CNOT1: variants seen among roughly 807,000 people sequenced by gnomAD.
The protein encoded by CNOT1 is CCR4-associated factor 1.
CNOT1 carries 15 observed loss-of-function variants against 273.8 expected under a neutral mutation model. That is an observed-to-expected ratio of 0.05 (90% CI 0.04 to 0.08). CNOT1 has a LOEUF of 0.08. CNOT1 is among the 10% of genes least tolerant of loss of function. CNOT1 has a pLI of 1.00. For missense variants in CNOT1, 1,644 were observed against 2,912.2 expected (o/e 0.56, Z 10.02); for synonymous variants, 1,022 against 1,005.5 (o/e 1.02, Z -0.31).
intron 44 of CNOT1, among the ~76,000 whole-genome samples, chr16:58,526,809 C>T (rs1272194678): frequency 7.7e-6 from 1 of 130,528 alleles, no homozygotes; most frequent in East Asian, 2.3e-4. Context: ...AAGAACGAAA[C>T]TCCGTCTCAA....
intron 1 of CNOT1, among the ~76,000 whole-genome samples, chr16:58,610,170 C>T (rs1245397771): frequency 1.3e-5 from 2 of 152,240 alleles, no homozygotes; most frequent in African/African-American, 4.8e-5. Flanking sequence ...ATAATCCCAA[C>T]ACTTCAGGAG....
At position 58,551,794 on chromosome 16, in the gene CNOT1, C is replaced by T. The variant is rs1372758381; in HGVS notation, c.2996G>A (p.Arg999Lys). 2.5e-6 allele frequency: 4 copies of T among 1,613,992 alleles called. No individual in the cohort carries two copies. In the African/African-American group the frequency reaches 4.0e-5, roughly 16 times the overall value. ...QEYIEYGQQSRDPPVKMQGSI... is the reference protein window; with the variant it reads ...QEYIEYGQQSKDPPVKMQGSI... ...GCCTTGCATTTTCACAGGAGGATCT[C>T]TAGACTGCTGTCCATACTCAATATA... is the stretch of plus-strand genomic sequence containing the variant. Residue 999 changes from arginine (R) to lysine (K), a missense_variant, in exon 23 of 49, where the codon AGA becomes AAA. Physicochemically the swap from Arg to Lys is conservative, Grantham distance 26. This residue lies in a region of CNOT1 where 77 missense variants were observed against 90.5 expected (regional missense o/e 0.85). Transcript: ENST00000317147.
chr16:58,546,596 A>T (rs1254986643), intron 28 of CNOT1, 76 bp downstream of exon 28: 1 of 1,609,996 alleles, frequency 6.2e-7, no homozygotes, highest in Admixed American at 1.7e-5. Flanking sequence ...TTCCCCCGAA[A>T]TACCCTGCCT....
At position 58,520,831 on chromosome 16, in the gene CNOT1, G is replaced by T; in HGVS notation, c.*127C>A. The stretch of plus-strand genomic sequence containing the variant: ...CAGGAGGCTGATCCCAACAGTAGTT[G>T]GGGCAGATACCCACAAACCAAAGGG... On this transcript the variant is annotated 3_prime_UTR_variant, in exon 49 of 49. Transcript: ENST00000317147. The T allele has an allele frequency of 2.2e-6, 2 of 924,142 alleles. No individual in the cohort carries two copies. Among genetic ancestry groups the T allele is most frequent in the South Asian group, 1.5e-5 (1 of 68,400 alleles). 57.2% of individuals were successfully genotyped at this position (924,142 alleles called of 1,614,324 possible).
intron 6 of CNOT1, among the ~76,000 whole-genome samples, 187 bp from the exon 7 acceptor site, chr16:58,586,935 TAG>T (rs2041892900): frequency 6.6e-6 from 1 of 152,028 alleles, no homozygotes; most frequent in African/African-American, 2.4e-5. Context: ...GAGGGGAAAA[TAG>T]AGAGTTGTTG....
chr16:58,623,645 T>C (rs1274236392), intron 1 of CNOT1, among the ~76,000 whole-genome samples: 1 of 152,168 alleles, frequency 6.6e-6, no homozygotes, highest in African/African-American at 2.4e-5. Flanking sequence ...CGGCCCTTAC[T>C]TCTCCTACGC....
At chr16:58,595,386 G>C (rs2042216875) in intron 2 of CNOT1, among the ~76,000 whole-genome samples, 1 of 123,244 alleles carries the variant, frequency 8.1e-6, no homozygotes, top group African/African-American at 3.2e-5. Context: ...TTTCCATAAT[G>C]CCTAACTCTA....
chr16:58,566,857 C>T (rs561600671), intron 16 of CNOT1, among the ~76,000 whole-genome samples: 19 of 152,270 alleles, frequency 1.2e-4, no homozygotes, highest in African/African-American at 4.6e-4. Flanking sequence ...TGGTCTTGAG[C>T]TCCCAACCTC....
At chr16:58,524,995 G>C (rs912857896) in intron 46 of CNOT1, among the ~76,000 whole-genome samples, 184 bp downstream of exon 46, 1 of 152,074 alleles carries the variant, frequency 6.6e-6, no homozygotes, top group South Asian at 2.1e-4. Flanking sequence ...ATGCTTTTTT[G>C]TATTTCCTGC....
chr16:58,574,661 G>T lies in CNOT1; in HGVS notation c.1927C>A (p.Leu643Ile). The T allele has an allele frequency of 6.2e-7, 1 of 1,607,740 alleles. No homozygotes were observed. ...ATTGTCGCCAAAGTTTCTGGAGGAA[G>T]TTGAGCACTTTTGGGCTGGTCTTTT... ...PEKDQPKSAQ[L>I]PPETLATMLA... The change falls in exon 16 of 49, where the codon CTT (leucine) becomes ATT (isoleucine). Residue 643 changes from leucine (L) to isoleucine (I), a missense_variant. Coordinates refer to ENST00000317147, the MANE Select transcript of CNOT1 (RefSeq NM_016284.5).
chr16:58,629,280 C>T (rs2043723169), intron 1 of CNOT1, among the ~76,000 whole-genome samples: 2 of 152,216 alleles, frequency 1.3e-5, no homozygotes, highest in Non-Finnish European at 2.9e-5. Flanking sequence ...CGCCAGAAGC[C>T]CTAGGCCTCG....
rs1390770908 is a variant in CNOT1 at position 58,586,764 on chromosome 16, A to C, written c.434-16T>G. The C allele has an allele frequency of 6.2e-7, 1 of 1,610,504 alleles. No homozygotes were observed. The highest frequency in any genetic ancestry group is 8.5e-7 in the Non-Finnish European group (1 of 1,179,484). On this transcript the variant is annotated splice_polypyrimidine_tract_variant and intron_variant, in intron 6 of 48. Transcript: ENST00000317147. ...AACTGGGCAGCTAGAAGTCAGGTAA[A>C]CCAAAAACCGCAAGTTACTTTTGCA...
rs549520245 is a variant in CNOT1 at position 58,599,482 on chromosome 16, G to A, written c.-145C>T. On this transcript the variant is annotated 5_prime_UTR_variant, in exon 2 of 49. Coordinates refer to ENST00000317147, the MANE Select transcript of CNOT1 (RefSeq NM_016284.5). ...TAATATCTTCAGTTCTTCTTTACCA[G>A]GGGTCTTACTCTGTTCTGAAACATG... 4.3e-6 allele frequency: 4 copies of A among 940,138 alleles called. No homozygotes were observed. In the South Asian group the frequency reaches 7.0e-5, roughly 16 times the overall value. The allele number at this position is 940,138 out of a possible 1,614,324, so 58.2% of individuals were successfully genotyped here. A position where few individuals can be genotyped will look rare whatever the true frequency, so the allele number is the denominator to read the frequency against.
At chr16:58,535,255 A>G (rs1391206309) in intron 39 of CNOT1, among the ~76,000 whole-genome samples, 2 of 152,238 alleles carry the variant, frequency 1.3e-5, no homozygotes, top group African/African-American at 4.8e-5. Context: ...AGCAGTAAAG[A>G]CAACTGAACT....
intron 3 of CNOT1, 74 bp downstream of exon 3, chr16:58,588,725 G>A (rs2041957272): frequency 9.7e-6 from 15 of 1,541,852 alleles, no homozygotes; most frequent in Non-Finnish European, 1.3e-5. Flanking sequence ...CGTGTCATAT[G>A]CTACATACAC....
chr16:58,616,323 C>G (rs902796588), intron 1 of CNOT1, among the ~76,000 whole-genome samples: 1 of 126,450 alleles, frequency 7.9e-6, no homozygotes, highest in Non-Finnish European at 1.9e-5. Flanking sequence ...CCAGGCTGGT[C>G]TTGAACTCCT....
At chr16:58,585,209 A>T in intron 8 of CNOT1, 129 bp downstream of exon 8, 1 of 1,354,046 alleles carries the variant, frequency 7.4e-7, no homozygotes, top group Non-Finnish European at 1.0e-6. Context: ...GTGGAAGATT[A>T]AAATTTAGAA....
intron 30 of CNOT1, among the ~76,000 whole-genome samples, chr16:58,544,759 A>G (rs2040203686): frequency 6.6e-6 from 1 of 152,238 alleles, no homozygotes; most frequent in Admixed American, 6.5e-5. Flanking sequence ...TATTCTGTTA[A>G]GTAGAATAAA....
Position 58,520,949 on chromosome 16 carries a change from C to T in CNOT1, c.*9G>A. On this transcript the variant is annotated 3_prime_UTR_variant, in exon 49 of 49. Coordinates refer to ENST00000317147, the MANE Select transcript of CNOT1 (RefSeq NM_016284.5). ...TAGACTGACACGTACAACAGAGATG[C>T]AGTTTCGTCTAACTGGCACCTGTCC... 1.9e-6 allele frequency: 3 copies of T among 1,612,422 alleles called. No individual in the cohort carries two copies. The highest frequency in any genetic ancestry group is 2.5e-6 in the Non-Finnish European group (3 of 1,179,828).
Sources: gnomAD v4.1 joint callset for allele counts (sites outside exome capture counted in the v4.1 genomes callset) on GRCh38, gnomAD v4.1.1 for gene constraint, gnomAD v4.1.1 regional missense constraint, MANE v1.5 for transcripts, NCBI Gene and HGNC (gene_info 2026-07-23, HGNC 2026-07-21) for gene names.